The following CDC25A variants were observed in gnomAD, a reference collection of about 807,000 sequenced individuals.
CDC25A encodes cell division cycle 25A.
CDC25A carries 17 observed loss-of-function variants against 64.6 expected under a neutral mutation model. That is an observed-to-expected ratio of 0.26 (90% confidence interval 0.18 to 0.39). The LOEUF is 0.39. Ranked by LOEUF, CDC25A falls within the 10% of genes least tolerant of loss-of-function variation. The pLI, the probability that CDC25A is intolerant of heterozygous loss-of-function variation, is 1.00. For missense variants in CDC25A, 473 were observed against 654.8 expected, an observed-to-expected ratio of 0.72 and a Z score of 3.03; for synonymous variants, 229 against 238.6, an observed-to-expected ratio of 0.96 and a Z score of 0.37.
rs1027151795 is a variant in CDC25A at position 48,180,683 on chromosome 3, C to T, written c.549+38G>A. 3 of 1,607,834 alleles carry T rather than the reference C, an allele frequency of 1.9e-6. No individual in the cohort carries two copies. In the African/African-American group the frequency reaches 4.0e-5, roughly 22 times the overall value. On this transcript the variant is annotated intron_variant, in intron 6 of 14. Transcript: ENST00000302506. ...AAAGAAGGTGTTTTAATCCTTTCTT[C>T]CTGTCAGGAATTCCCCTATGAAAGC... is the stretch of plus-strand genomic sequence containing the variant.
intron 7 of CDC25A, 139 bp downstream of exon 7, chr3:48,177,715 A>T (rs2032515171): frequency 1.0e-6 from 1 of 986,866 alleles, no homozygotes; most frequent in Non-Finnish European, 1.6e-6. Context: ...TATTAAATGA[A>T]TTATCACCAA....
intron 3 of CDC25A, among the ~76,000 whole-genome samples, chr3:48,184,083 G>A (rs1379994092): frequency 1.5e-4 from 23 of 152,074 alleles, no homozygotes; most frequent in Non-Finnish European, 4.4e-5. Flanking sequence ...TGGGCGCGGT[G>A]GCTCACACAT....
chr3:48,181,856 T>G (rs2032683338), intron 5 of CDC25A: 1 of 555,836 alleles, frequency 1.8e-6, no homozygotes, highest in Non-Finnish European at 3.2e-6. Context: ...CAGTACTAAG[T>G]ACTTTCTGTG....
intron 5 of CDC25A, chr3:48,181,765 C>T: frequency 1.6e-6 from 1 of 617,960 alleles, no homozygotes; most frequent in East Asian, 2.9e-5. Context: ...TTTTAAAGTT[C>T]TGAGAGAAAT....
chr3:48,183,025 C>T lies in CDC25A; in HGVS notation c.333G>A (p.Lys111=), dbSNP rs1159940954. 2 of 1,604,510 alleles carry T rather than the reference C, an allele frequency of 1.2e-6. No homozygotes were observed. Among genetic ancestry groups the T allele is most frequent in the Non-Finnish European group, 1.7e-6 (2 of 1,171,564 alleles). Residue 111 remains lysine (K), a synonymous_variant, in exon 5 of 15, where the codon AAG becomes AAA. Transcript: ENST00000302506. ...TCAGAGCTGGACTACATCCCAACAG[C>T]TTCTGCTATCAAAGTAAAAAAGGAA... is the stretch of plus-strand genomic sequence containing the variant. ...PMRRIHSLPQ[K]LLGCSPALKR...
intron 6 of CDC25A, among the ~76,000 whole-genome samples, chr3:48,178,706 C>A (rs988690306): frequency 6.6e-6 from 1 of 152,270 alleles, no homozygotes; most frequent in African/African-American, 2.4e-5. Context: ...CACACTATCT[C>A]CCTAGGAGAA....
intron 5 of CDC25A, 119 bp downstream of exon 5, chr3:48,182,810 A>G: frequency 1.5e-6 from 1 of 673,310 alleles, no homozygotes; most frequent in Non-Finnish European, 2.7e-6. Flanking sequence ...CTCTGACTCC[A>G]AAGACCGCAC....
chr3:48,159,183 G>T, intron 14 of CDC25A, 98 bp from the exon 15 acceptor site: 1 of 1,466,650 alleles, frequency 6.8e-7, no homozygotes, highest in Non-Finnish European at 9.3e-7. Context: ...AAGCGGCCAG[G>T]CAGACCTAGG....
At position 48,167,964 on chromosome 3, in the gene CDC25A, G is replaced by A; in HGVS notation, c.931-20C>T. ...AAGAGTCTGTAACAAATCAAAGGTA[G>A]AGAATGAGACAAGGGTTCTGAATGG... is the stretch of plus-strand genomic sequence containing the variant. On this transcript the variant is annotated intron_variant, in intron 9 of 14. Coordinates refer to ENST00000302506, the MANE Select transcript of CDC25A (RefSeq NM_001789.3). 7.0e-7 allele frequency: 1 copy of A among 1,423,030 alleles called. No homozygotes were observed. Among genetic ancestry groups the A allele is most frequent in the South Asian group, 1.2e-5 (1 of 86,934 alleles). 88.2% of individuals were successfully genotyped at this position (1,423,030 alleles called of 1,614,324 possible). A position where few individuals can be genotyped will look rare whatever the true frequency, so the allele number is the denominator to read the frequency against.
chr3:48,167,029 C>A (rs1260626227), intron 10 of CDC25A, among the ~76,000 whole-genome samples: 2 of 152,142 alleles, frequency 1.3e-5, no homozygotes, highest in Non-Finnish European at 2.9e-5. Flanking sequence ...ACGGCCCAAC[C>A]CCAGACGTTC....
At chr3:48,161,826 T>C (rs914576236) in intron 13 of CDC25A, among the ~76,000 whole-genome samples, 2 of 152,184 alleles carry the variant, frequency 1.3e-5, no homozygotes, top group African/African-American at 4.8e-5. Context: ...TTTGGGAGGC[T>C]GAGGCGGGTA....
chr3:48,186,286 A>T (rs1028379381), intron 2 of CDC25A, among the ~76,000 whole-genome samples: 1 of 152,190 alleles, frequency 6.6e-6, no homozygotes, highest in African/African-American at 2.4e-5. Context: ...AATAATGTTT[A>T]TCACCGGGCG....
At position 48,187,995 on chromosome 3, in the gene CDC25A, C is replaced by G. The variant is rs1188873254; in HGVS notation, c.-48G>C. On this transcript the variant is annotated 5_prime_UTR_variant, in exon 1 of 15. Coordinates refer to ENST00000302506, the MANE Select transcript of CDC25A (RefSeq NM_001789.3). ...CTCCCGCTCCCTCTTCCTCTGCCTCCGCCGCGACCGCCCCGCCCCGCCGAC... is the reference window on the plus strand; with the variant it reads ...CTCCCGCTCCCTCTTCCTCTGCCTCGGCCGCGACCGCCCCGCCCCGCCGAC... 2 of 1,330,646 alleles carry G rather than the reference C, an allele frequency of 1.5e-6. No homozygotes were observed. The highest frequency in any genetic ancestry group is 1.9e-6 in the Non-Finnish European group (2 of 1,042,214). The allele number at this position is 1,330,646 out of a possible 1,614,324, so 82.4% of individuals were successfully genotyped here. A position where few individuals can be genotyped will look rare whatever the true frequency, so the allele number is the denominator to read the frequency against.
intron 1 of CDC25A, 116 bp downstream of exon 1, chr3:48,187,662 C>G: frequency 3.8e-6 from 4 of 1,045,180 alleles, no homozygotes; most frequent in Non-Finnish European, 5.3e-6. Context: ...TGTCCCCGAG[C>G]GGCGAACCCG....
rs767717332 is a variant in CDC25A at position 48,158,899 on chromosome 3, G to T, written c.*46C>A. ...TTTCTCTGCAGCAAAGAGGGTAAAGGGGGATGGAGGGAAGCTTGGGCTGCT... is the reference window on the plus strand; with the variant it reads ...TTTCTCTGCAGCAAAGAGGGTAAAGTGGGATGGAGGGAAGCTTGGGCTGCT... On this transcript the variant is annotated 3_prime_UTR_variant, in exon 15 of 15. Coordinates refer to ENST00000302506, the MANE Select transcript of CDC25A (RefSeq NM_001789.3). 1 of 1,609,852 alleles carries T rather than the reference G, an allele frequency of 6.2e-7. No individual in the cohort carries two copies. Among genetic ancestry groups the T allele is most frequent in the Non-Finnish European group, 8.5e-7 (1 of 1,177,540 alleles).
chr3:48,188,040 C>A lies in CDC25A; in HGVS notation c.-93G>T. 1 of 1,082,124 alleles carries A rather than the reference C, an allele frequency of 9.2e-7. No homozygotes were observed. Among genetic ancestry groups the A allele is most frequent in the Non-Finnish European group, 1.2e-6 (1 of 845,896 alleles). The allele number at this position is 1,082,124 out of a possible 1,614,324, so 67.0% of individuals were successfully genotyped here. A position where few individuals can be genotyped will look rare whatever the true frequency, so the allele number is the denominator to read the frequency against. ...GCCGACACCGGCCTCGGCCGCGCGC[C>A]ACCGGCGCCCGCGGGTCAAACACAA... is the stretch of plus-strand genomic sequence containing the variant. On this transcript the variant is annotated 5_prime_UTR_variant, in exon 1 of 15. Coordinates refer to ENST00000302506, the MANE Select transcript of CDC25A (RefSeq NM_001789.3).
chr3:48,164,583 G>A (rs1220394391), intron 12 of CDC25A, 146 bp from the exon 13 acceptor site: 1 of 670,778 alleles, frequency 1.5e-6, no homozygotes, highest in East Asian at 3.4e-5. Context: ...GAATAGCCCA[G>A]TAGACCATTT....
At chr3:48,180,889 C>T (rs779324041) in intron 5 of CDC25A, 49 bp from the exon 6 acceptor site, 3 of 1,603,090 alleles carry the variant, frequency 1.9e-6, no homozygotes, top group Non-Finnish European at 2.6e-6. Context: ...CCAACTCAGG[C>T]CTCAGCTTGG....
chr3:48,184,439 C>T (rs1456244039), intron 3 of CDC25A, among the ~76,000 whole-genome samples: 1 of 151,928 alleles, frequency 6.6e-6, no homozygotes, highest in Non-Finnish European at 1.5e-5. Flanking sequence ...TGGGTAAGAC[C>T]CAAACAGAAC....
Sources: allele counts gnomAD v4.1 joint callset (sites outside exome capture counted in the v4.1 genomes callset), GRCh38; gene constraint gnomAD v4.1.1; transcripts MANE v1.5; gene names NCBI Gene and HGNC (gene_info 2026-07-23, HGNC 2026-07-21).